The following DAB1 variants were observed in gnomAD, a reference collection of about 807,000 sequenced individuals.
DAB1 encodes the protein disabled homolog 1.
Under a neutral mutation model 64.6 loss-of-function variants are expected in DAB1, and 15 were observed. That is an observed-to-expected ratio of 0.23 (90% CI 0.16 to 0.36). DAB1 has a LOEUF of 0.36. DAB1 is among the 10% of genes least tolerant of loss of function. DAB1 has a pLI of 1.00. For synonymous variants in DAB1, 235 were observed against 251.9 expected, an observed-to-expected ratio of 0.93 and a Z score of 0.64; for missense variants, 596 against 706.7, an observed-to-expected ratio of 0.84 and a Z score of 1.78.
chr1:57,500,256 A>G (rs1046413532), intron 7 of DAB1, among the ~76,000 whole-genome samples: 24 of 152,258 alleles, frequency 1.6e-4, no homozygotes, highest in African/African-American at 5.8e-4. Flanking sequence ...TCGTTTTAAA[A>G]TTCTTCATTA....
In DAB1 at chr1:57,877,844, G is replaced by A. The variant is rs541794737; in HGVS notation, n.87+6155C>T. On this transcript the variant is annotated intron_variant and non_coding_transcript_variant, in intron 1 of 1. Coordinates refer to the DAB1 transcript ENST00000477280. ...CTCCCAAAGTGCTGGGATTACAGGCGTGAGCCACCGCGCCCGGCCGATTTA... is the reference window on the plus strand; with the variant it reads ...CTCCCAAAGTGCTGGGATTACAGGCATGAGCCACCGCGCCCGGCCGATTTA... Among the ~76,000 whole-genome samples, 36 of 22,798 alleles carry A rather than the reference G, an allele frequency of 1.6e-3. 11 individuals are homozygous for A. Among genetic ancestry groups the A allele is most frequent in the Non-Finnish European group, 1.3e-3 (15 of 11,700 alleles). The allele number at this position is 22,798 out of a possible 152,430, so 15.0% of individuals were successfully genotyped here.
intron 5 of DAB1, among the ~76,000 whole-genome samples, chr1:57,980,189 G>A (rs1646028639): frequency 1.3e-5 from 2 of 152,056 alleles, no homozygotes; most frequent in Admixed American, 6.6e-5. Flanking sequence ...AGCTTGCCAT[G>A]CCAACCCCAA....
chr1:57,324,652 G>C (rs1012457750), intron 1 of DAB1, among the ~76,000 whole-genome samples: 3 of 152,102 alleles, frequency 2.0e-5, no homozygotes, highest in Non-Finnish European at 4.4e-5. Flanking sequence ...CTGAAGGTTG[G>C]ACTACACCAA....
chr1:58,027,349 G>A (rs946191369), intron 5 of DAB1, among the ~76,000 whole-genome samples: 5 of 152,166 alleles, frequency 3.3e-5, no homozygotes, highest in African/African-American at 7.2e-5. Flanking sequence ...TTACAGGCAT[G>A]AGCATGCCCA....
At chr1:57,446,710 T>G (rs1400705209) in intron 7 of DAB1, among the ~76,000 whole-genome samples, 3 of 152,164 alleles carry the variant, frequency 2.0e-5, no homozygotes, top group African/African-American at 7.2e-5. Flanking sequence ...ATTTATTGTA[T>G]GATTATATTT....
intron 1 of DAB1, among the ~76,000 whole-genome samples, chr1:57,353,222 C>A (rs1269762396): frequency 2.0e-5 from 3 of 151,744 alleles, no homozygotes; most frequent in Non-Finnish European, 2.9e-5. Context: ...CTTCCACCAA[C>A]TTTCATTATC....
chr1:57,353,344 T>A (rs1254613120), intron 1 of DAB1, among the ~76,000 whole-genome samples: 1 of 152,112 alleles, frequency 6.6e-6, no homozygotes, highest in African/African-American at 2.4e-5. Context: ...AAGGAGGATA[T>A]GGCTGTTCCG....
intron 1 of DAB1, among the ~76,000 whole-genome samples, chr1:57,307,714 A>G (rs1042269932): frequency 7.3e-5 from 11 of 151,034 alleles, no homozygotes; most frequent in Non-Finnish European, 1.2e-4. Flanking sequence ...AATCTAGACT[A>G]CACCCCCTTT....
intron 3 of DAB1, among the ~76,000 whole-genome samples, chr1:58,368,718 C>T (rs547548382): frequency 4.6e-5 from 7 of 152,274 alleles, no homozygotes; most frequent in Admixed American, 6.5e-5. Context: ...TCCACTTATA[C>T]AAGCCCTCTA....
At position 57,176,553 on chromosome 1, in the gene DAB1, G is replaced by A. The variant is rs556160829; in HGVS notation, c.68-31124C>T. ...ATTTGGGTGGGGACACAGCCAAACT[G>A]AATCATATATTAAACGAAAACCCCT... On this transcript the variant is annotated intron_variant, in intron 2 of 14. Coordinates refer to ENST00000371236, the MANE Select transcript of DAB1 (RefSeq NM_001365792.1). Among the ~76,000 whole-genome samples the A allele has an allele frequency of 7.2e-5, 11 of 152,178 alleles. No homozygotes were observed. The South Asian group carries it at 2.3e-3, about 32-fold the overall frequency.
intron 1 of DAB1, among the ~76,000 whole-genome samples, chr1:57,403,385 T>C (rs1379534157): frequency 1.3e-5 from 2 of 152,176 alleles, no homozygotes; most frequent in African/African-American, 2.4e-5. Flanking sequence ...AGCTGTGGTG[T>C]GGAAACAGTT....
intron 5 of DAB1, among the ~76,000 whole-genome samples, chr1:58,012,878 G>A (rs564406101): frequency 1.6e-4 from 24 of 152,218 alleles, no homozygotes; most frequent in Non-Finnish European, 3.2e-4. Flanking sequence ...AGAGGGAAGA[G>A]AGAGAGACTG....
chr1:57,113,461 C>T (rs935075212), intron 4 of DAB1, among the ~76,000 whole-genome samples: 1 of 152,056 alleles, frequency 6.6e-6, no homozygotes, highest in African/African-American at 2.4e-5. Context: ...CTGCAAAGGA[C>T]CAGACAATAA....
intron 1 of DAB1, chr1:57,866,444 T>C (rs1481703866): frequency 6.6e-6 from 1 of 152,194 alleles, no homozygotes; most frequent in African/African-American, 2.4e-5. Context: ...TGGGTTTTCC[T>C]AAAGGCCATG....
At chr1:58,246,429 C>T (rs772644408) in intron 4 of DAB1, among the ~76,000 whole-genome samples, 1 of 152,160 alleles carries the variant, frequency 6.6e-6, no homozygotes, top group African/African-American at 2.4e-5. Context: ...GTGGATGTCA[C>T]TTTTAAGATG....
chr1:57,448,102 T>C (rs1334239), intron 7 of DAB1, among the ~76,000 whole-genome samples: 99,802 of 152,048 alleles, frequency 0.66, 33,288 homozygotes, highest in East Asian at 0.96. Context: ...TGAAGGATTG[T>C]AGGCAGCCTC....
intron 1 of DAB1, among the ~76,000 whole-genome samples, chr1:57,411,123 C>T (rs750897168): frequency 6.6e-6 from 1 of 152,168 alleles, no homozygotes; most frequent in Admixed American, 6.5e-5. Context: ...CACCAAATAT[C>T]TCTCTCCCAT....
chr1:58,304,583 G>A (rs1662263885), intron 4 of DAB1, among the ~76,000 whole-genome samples: 1 of 152,150 alleles, frequency 6.6e-6, no homozygotes, highest in Non-Finnish European at 1.5e-5. Context: ...TTTTCTAATT[G>A]TAAAAATAAT....
At chr1:57,543,068 G>A (rs978093775) in intron 7 of DAB1, among the ~76,000 whole-genome samples, 1 of 152,164 alleles carries the variant, frequency 6.6e-6, no homozygotes, top group Admixed American at 6.6e-5. Context: ...TTGGGTGACT[G>A]TAGCCCCAGC....
Sources: gnomAD v4.1 joint callset for allele counts (sites outside exome capture counted in the v4.1 genomes callset) on GRCh38, gnomAD v4.1.1 for gene constraint, MANE v1.5 for transcripts, NCBI Gene and HGNC (gene_info 2026-07-23, HGNC 2026-07-21) for gene names.